The following SEH1L variants were observed in gnomAD, a reference collection of about 807,000 sequenced individuals.
The protein encoded by SEH1L is SEH1 like nucleoporin, also known as nucleoporin SEH1.
SEH1L carries 18 observed loss-of-function variants against 49.5 expected under a neutral mutation model. The observed-to-expected ratio is 0.36, with a 90% CI of 0.25 to 0.54. SEH1L has a LOEUF of 0.54. Among genes scored for constraint, SEH1L ranks in the 20% least tolerant of loss-of-function variants. The pLI is 0.87. For missense variants in SEH1L, 404 were observed against 528.8 expected, an observed-to-expected ratio of 0.76 and a Z score of 2.31; for synonymous variants, 169 against 178.1, an observed-to-expected ratio of 0.95 and a Z score of 0.41.
At chr18:12,958,867 G>A (rs748469825) in intron 3 of SEH1L, among the ~76,000 whole-genome samples, 1 of 152,228 alleles carries the variant, frequency 6.6e-6, no homozygotes, top group African/African-American at 2.4e-5. Context: ...AATATACCTA[G>A]GAGTAGAATT....
Position 12,971,262 on chromosome 18 carries a change from C to G in SEH1L, c.620+11C>G, listed in dbSNP as rs1220892481. On this transcript the variant is annotated intron_variant, in intron 5 of 8. Coordinates refer to ENST00000399892, the MANE Select transcript of SEH1L (RefSeq NM_001013437.2). ...TAATGAAAACACCAGGTCAGTCCTG[C>G]TTTGGTTTTAATAATTGTTCAGAAT... 1 of 1,554,926 alleles carries G rather than the reference C, an allele frequency of 6.4e-7. No homozygotes were observed. Among genetic ancestry groups the G allele is most frequent in the Non-Finnish European group, 8.8e-7 (1 of 1,130,496 alleles).
chr18:12,983,769 CAG>C (rs1003230095), intron 7 of SEH1L, among the ~76,000 whole-genome samples: 4 of 151,944 alleles, frequency 2.6e-5, no homozygotes, highest in African/African-American at 9.7e-5. Context: ...TGTGGTAGCT[CAG>C]AGAATTGTCT....
intron 2 of SEH1L, among the ~76,000 whole-genome samples, chr18:12,953,408 C>T (rs2030665560): frequency 6.6e-6 from 1 of 152,204 alleles, no homozygotes; most frequent in Non-Finnish European, 1.5e-5. Flanking sequence ...ACTTAGCTTT[C>T]TAAGAAACTG....
intron 6 of SEH1L, among the ~76,000 whole-genome samples, chr18:12,980,320 G>C (rs2032151564): frequency 7.6e-6 from 1 of 130,958 alleles, no homozygotes; most frequent in Admixed American, 7.2e-5. Context: ...AGGGGCGGCC[G>C]GGCAGAGGCG....
Position 12,963,150 on chromosome 18 carries a change from T to A in SEH1L, c.310-10T>A, listed in dbSNP as rs190843818. The A allele has an allele frequency of 1.0e-3, 1,580 of 1,585,252 alleles. 16 individuals are homozygous for A. The African/African-American group carries it at 0.019, about 19-fold the overall frequency. Reference sequence around the variant, plus strand: ...GTATATAATTTAAATTGTTATTATTTTTTTTTTAGGTTAAAAGGACAACTC... The same window carrying A: ...GTATATAATTTAAATTGTTATTATTATTTTTTTAGGTTAAAAGGACAACTC... On this transcript the variant is annotated splice_polypyrimidine_tract_variant and intron_variant, in intron 3 of 8. Coordinates refer to ENST00000399892, the MANE Select transcript of SEH1L (RefSeq NM_001013437.2).
intron 1 of SEH1L, among the ~76,000 whole-genome samples, chr18:12,949,749 G>A (rs954840743): frequency 1.3e-5 from 2 of 151,962 alleles, no homozygotes; most frequent in Non-Finnish European, 2.9e-5. Flanking sequence ...CACCGCGCCC[G>A]GCCCACGTTA....
At chr18:12,959,331 G>A (rs564135544) in intron 3 of SEH1L, among the ~76,000 whole-genome samples, 1 of 152,094 alleles carries the variant, frequency 6.6e-6, no homozygotes, top group East Asian at 1.9e-4. Flanking sequence ...TGCAATATTT[G>A]CATTTATACT....
At chr18:12,959,407 C>A (rs1374739400) in intron 3 of SEH1L, among the ~76,000 whole-genome samples, 1 of 152,194 alleles carries the variant, frequency 6.6e-6, no homozygotes, top group Non-Finnish European at 1.5e-5. Context: ...GTCTTGAACT[C>A]CTGGGTTCAA....
rs761599729 is a variant in SEH1L at position 12,948,251 on chromosome 18, G to A, written c.111+19G>A. 4 of 1,594,188 alleles carry A rather than the reference G, an allele frequency of 2.5e-6. No individual in the cohort carries two copies. The highest frequency in any genetic ancestry group is 3.4e-6 in the Non-Finnish European group (4 of 1,163,950). The stretch of plus-strand genomic sequence containing the variant: ...CGTTAAGGTGCGCGCGGCGCTTGCG[G>A]GCGGGGCCGACCCCGGAAGGAAGGA... On this transcript the variant is annotated intron_variant, in intron 1 of 8. Coordinates refer to ENST00000399892, the MANE Select transcript of SEH1L (RefSeq NM_001013437.2).
chr18:12,948,760 C>T (rs1411763120), intron 1 of SEH1L: 2 of 152,532 alleles, frequency 1.3e-5, no homozygotes, highest in African/African-American at 4.8e-5. Flanking sequence ...CCAATGATTT[C>T]CCTGCTTGCT....
intron 2 of SEH1L, 128 bp downstream of exon 2, chr18:12,952,033 G>A: frequency 2.0e-6 from 1 of 495,792 alleles, no homozygotes; most frequent in Non-Finnish European, 3.5e-6. Context: ...ACATTTTACT[G>A]TTTTTCGCTA....
intron 4 of SEH1L, among the ~76,000 whole-genome samples, chr18:12,965,616 A>G (rs1397712458): frequency 1.3e-5 from 2 of 152,166 alleles, no homozygotes; most frequent in Non-Finnish European, 2.9e-5. Flanking sequence ...GTTCTTGCAT[A>G]TTTTTAACTA....
At chr18:12,965,811 T>A (rs2031424646) in intron 4 of SEH1L, among the ~76,000 whole-genome samples, 1 of 152,228 alleles carries the variant, frequency 6.6e-6, no homozygotes, top group South Asian at 2.1e-4. Context: ...TTTGTCAGGC[T>A]TTATTGTTGG....
At chr18:12,949,712 C>G (rs1358048192) in intron 1 of SEH1L, among the ~76,000 whole-genome samples, 1 of 152,100 alleles carries the variant, frequency 6.6e-6, no homozygotes, top group Non-Finnish European at 1.5e-5. Flanking sequence ...CTCGGCCTCC[C>G]AAAGTGCTAG....
chr18:12,987,270 A>G lies in SEH1L; in HGVS notation c.*213A>G. ...CTTCACTGGGTGATAACCTTTGATG[A>G]AATGAGATATGTCCAAGTAACGTTA... On this transcript the variant is annotated 3_prime_UTR_variant, in exon 9 of 9. Transcript: ENST00000399892. 1 of 397,236 alleles carries G rather than the reference A, an allele frequency of 2.5e-6. No homozygotes were observed. Among genetic ancestry groups the G allele is most frequent in the Non-Finnish European group, 4.5e-6 (1 of 221,496 alleles). 24.6% of individuals were successfully genotyped at this position (397,236 alleles called of 1,614,324 possible).
intron 6 of SEH1L, among the ~76,000 whole-genome samples, chr18:12,980,882 C>A (rs1324135419): frequency 6.8e-6 from 1 of 147,878 alleles, no homozygotes; most frequent in East Asian, 2.1e-4. Context: ...TGACCCCCCC[C>A]ACCTCCCTTC....
chr18:12,954,282 G>A lies in SEH1L; in HGVS notation c.163-1181G>A, dbSNP rs540221851. Among the ~76,000 whole-genome samples, 15 of 152,258 alleles carry A rather than the reference G, an allele frequency of 9.9e-5. No individual in the cohort carries two copies. In the South Asian group the frequency reaches 3.1e-3, roughly 32 times the overall value. On this transcript the variant is annotated intron_variant, in intron 2 of 8. Transcript: ENST00000399892. The stretch of plus-strand genomic sequence containing the variant: ...TTCTTTTGATGGTGAAATTCTTTAA[G>A]ACCTTTGTATCCCTTCTCCAGCCAC...
chr18:12,986,808 T>TC, intron 8 of SEH1L, 54 bp from the exon 9 acceptor site: 1 of 1,325,558 alleles, frequency 7.5e-7, no homozygotes, highest in Admixed American at 3.5e-5. Context: ...CTTGTGTTTT[T>TC]TTTTTCCTGT....
chr18:12,954,680 C>G (rs2030747616), intron 2 of SEH1L, among the ~76,000 whole-genome samples: 1 of 152,150 alleles, frequency 6.6e-6, no homozygotes, highest in Non-Finnish European at 1.5e-5. Context: ...ATTGCCCAGA[C>G]TGGTCTTGAA....
Sources: gnomAD v4.1 joint callset for allele counts (sites outside exome capture counted in the v4.1 genomes callset) on GRCh38, gnomAD v4.1.1 for gene constraint, MANE v1.5 for transcripts, NCBI Gene and HGNC (gene_info 2026-07-23, HGNC 2026-07-21) for gene names.